PDE1C: variants seen among roughly 807,000 people sequenced by gnomAD.
PDE1C encodes dual specificity calcium/calmodulin-dependent 3',5'-cyclic nucleotide phosphodiesterase 1C.
A neutral mutation model predicts 93.1 loss-of-function variants in PDE1C; 62 were observed. That is an observed-to-expected ratio of 0.67 (90% CI 0.54 to 0.82). PDE1C has a LOEUF of 0.82. Ranked by LOEUF, PDE1C falls within the 40% of genes least tolerant of loss-of-function variation. The pLI is 0.00. For missense variants in PDE1C, 742 were observed against 884.6 expected (o/e 0.84, Z 2.04); for synonymous variants, 325 against 310.1 (o/e 1.05, Z -0.50).
intron 16 of PDE1C, chr7:31,789,404 G>A (rs1784339904): frequency 6.6e-6 from 1 of 152,554 alleles, no homozygotes; most frequent in East Asian, 1.9e-4. Flanking sequence ...AAAAAGAAGA[G>A]TGATGAAATA....
At chr7:31,623,637 C>G in the PDE1C span, among the ~76,000 whole-genome samples, 1 of 134,134 alleles carries the variant, frequency 7.5e-6, no homozygotes, top group Non-Finnish European at 1.6e-5. Flanking sequence ...GACAAACCCA[C>G]AGCCAATATC....
chr7:32,402,078 A>C (rs192040044), intron 1 of PDE1C, among the ~76,000 whole-genome samples: 149 of 152,254 alleles, frequency 9.8e-4, no homozygotes, highest in Non-Finnish European at 1.8e-3. Context: ...CTATTTAATA[A>C]AGCAGGAAAC....
At chr7:31,816,969 A>T (rs1367243196) in intron 14 of PDE1C, among the ~76,000 whole-genome samples, 2 of 152,188 alleles carry the variant, frequency 1.3e-5, no homozygotes, top group African/African-American at 4.8e-5. Context: ...GTATTTATGA[A>T]AAGATTGGTT....
At chr7:32,394,415 T>C (rs1385282628) in intron 1 of PDE1C, among the ~76,000 whole-genome samples, 2 of 152,094 alleles carry the variant, frequency 1.3e-5, no homozygotes, top group Non-Finnish European at 2.9e-5. Context: ...TACTAGAAGG[T>C]GTTTGGGTGA....
the PDE1C span, among the ~76,000 whole-genome samples, chr7:31,689,580 T>A: frequency 6.6e-6 from 1 of 152,040 alleles, no homozygotes; most frequent in East Asian, 1.9e-4. Flanking sequence ...TTAGACCGGC[T>A]CATGTCTTAA....
At chr7:32,207,361 A>G (rs1805655954) in intron 2 of PDE1C, among the ~76,000 whole-genome samples, 1 of 150,660 alleles carries the variant, frequency 6.6e-6, no homozygotes, top group Non-Finnish European at 1.5e-5. Flanking sequence ...GTCTCAAAAA[A>G]AAAAAAAAAA....
rs1807731060 is a variant in PDE1C, at chr7:32,231,990, CACACACAT to C, written c.86-22459_86-22452del. On this transcript the variant is annotated intron_variant, in intron 1 of 18. Transcript: ENST00000396193. ...ACACACACACACACACACACACACA[CACACACAT>C]ATATGATGAAGTCTGGTTCCAGATA... 8.3e-5 allele frequency among the ~76,000 whole-genome samples: 12 copies of C among 144,678 alleles called. No individual in the cohort carries two copies. In the East Asian group the frequency reaches 1.9e-3, roughly 23 times the overall value. The allele number at this position is 144,678 out of a possible 152,430, so 94.9% of individuals were successfully genotyped here. A position where few individuals can be genotyped will look rare whatever the true frequency, so the allele number is the denominator to read the frequency against.
At chr7:31,669,573 A>T in the PDE1C span, among the ~76,000 whole-genome samples, 1 of 152,224 alleles carries the variant, frequency 6.6e-6, no homozygotes, top group Non-Finnish European at 1.5e-5. Context: ...TCACAGCAAC[A>T]AAATGGGTTT....
At chr7:31,641,321 T>C in the PDE1C span, among the ~76,000 whole-genome samples, 12,410 of 152,192 alleles carry the variant, frequency 0.082, 726 homozygotes, top group Non-Finnish European at 0.12. Flanking sequence ...CTTAATTCAC[T>C]TCCCACACAC....
At chr7:32,308,514 G>C (rs1241060521) in intron 1 of PDE1C, among the ~76,000 whole-genome samples, 1 of 152,144 alleles carries the variant, frequency 6.6e-6, no homozygotes, top group African/African-American at 2.4e-5. Flanking sequence ...CACACGGCTG[G>C]GTACTCCTCT....
chr7:32,225,296 T>C (rs1207367792), intron 1 of PDE1C, among the ~76,000 whole-genome samples: 1 of 152,060 alleles, frequency 6.6e-6, no homozygotes, highest in African/African-American at 2.4e-5. Flanking sequence ...TCTCCCTTTG[T>C]ATAAGTTTCT....
At chr7:32,239,345 A>T (rs1808375171) in intron 1 of PDE1C, among the ~76,000 whole-genome samples, 1 of 152,186 alleles carries the variant, frequency 6.6e-6, no homozygotes, top group South Asian at 2.1e-4. Context: ...ATGAGCTATG[A>T]TTGCACTATT....
intron 1 of PDE1C, among the ~76,000 whole-genome samples, chr7:32,261,617 C>A (rs999277011): frequency 4.6e-5 from 7 of 152,150 alleles, no homozygotes; most frequent in Non-Finnish European, 8.8e-5. Context: ...TGACAGAAGT[C>A]AGAAAGTTCC....
intron 16 of PDE1C, among the ~76,000 whole-genome samples, chr7:31,793,902 ACTG>A (rs1211754175): frequency 3.3e-5 from 5 of 151,896 alleles, no homozygotes; most frequent in Non-Finnish European, 7.4e-5. Flanking sequence ...ATGCTACAGC[ACTG>A]CTAAGACAAA....
Position 31,830,200 on chromosome 7 carries a change from G to GA in PDE1C, c.1204-1828dup, listed in dbSNP as rs375255914. Among the ~76,000 whole-genome samples, 632 of 141,696 alleles carry GA rather than the reference G, an allele frequency of 4.5e-3. 6 individuals carry two copies. The highest frequency in any genetic ancestry group is 0.012 in the African/African-American group (461 of 38,764). 93.0% of individuals were successfully genotyped at this position (141,696 alleles called of 152,430 possible). A position where few individuals can be genotyped will look rare whatever the true frequency, so the allele number is the denominator to read the frequency against. The stretch of plus-strand genomic sequence containing the variant: ...TGGAAAGCAGATATACTTACGAATT[G>GA]AAAAAAAAAAACAGTGCTGATAATG... On this transcript the variant is annotated intron_variant, in intron 11 of 17. Transcript: ENST00000396191.
At chr7:32,385,502 G>A (rs1784606548) in intron 1 of PDE1C, among the ~76,000 whole-genome samples, 1 of 152,116 alleles carries the variant, frequency 6.6e-6, no homozygotes, top group Non-Finnish European at 1.5e-5. Context: ...ACCCTACCAA[G>A]GTCCCTCACA....
At chr7:31,863,216 T>A (rs1482605120) in intron 7 of PDE1C, among the ~76,000 whole-genome samples, 11 of 152,206 alleles carry the variant, frequency 7.2e-5, no homozygotes, top group Admixed American at 3.9e-4. Context: ...GTGATTTATA[T>A]ACTTTTTAAA....
intron 1 of PDE1C, among the ~76,000 whole-genome samples, chr7:32,250,813 T>G (rs1207722885): frequency 6.6e-6 from 1 of 152,154 alleles, no homozygotes. Flanking sequence ...CCAAATAAGC[T>G]TTTTACTAAA....
intron 1 of PDE1C, among the ~76,000 whole-genome samples, chr7:32,322,337 A>G (rs1010812866): frequency 3.3e-5 from 5 of 152,206 alleles, no homozygotes; most frequent in Non-Finnish European, 7.3e-5. Flanking sequence ...AGTGACCTAC[A>G]TGCCTCCCAA....
Sources: allele counts gnomAD v4.1 joint callset (sites outside exome capture counted in the v4.1 genomes callset), GRCh38; gene constraint gnomAD v4.1.1; transcripts MANE v1.5; gene names NCBI Gene and HGNC (gene_info 2026-07-23, HGNC 2026-07-21).